The following LINGO2 variants were observed in gnomAD, a reference collection of about 807,000 sequenced individuals.
LINGO2 encodes the protein leucine-rich repeat and immunoglobulin-like domain-containing nogo receptor-interacting protein 2.
LINGO2 carries 14 observed loss-of-function variants against 30.6 expected under a neutral mutation model. That is an observed-to-expected ratio of 0.46 (90% CI 0.30 to 0.72). LINGO2 has a LOEUF of 0.72. LINGO2 is among the 30% of genes least tolerant of loss of function. The pLI is 0.07. For missense variants in LINGO2, 729 were observed against 751.7 expected (o/e 0.97, Z 0.35); for synonymous variants, 317 against 288.5 (o/e 1.10, Z -1.00).
chr9:28,101,658 C>A (rs1826419265), intron 4 of LINGO2, among the ~76,000 whole-genome samples: 1 of 152,100 alleles, frequency 6.6e-6, no homozygotes, highest in Admixed American at 6.6e-5. Flanking sequence ...TGCCCACGGA[C>A]AAGGGAATAT....
At chr9:28,396,000 G>A (rs1015727866) in intron 2 of LINGO2, among the ~76,000 whole-genome samples, 8 of 152,132 alleles carry the variant, frequency 5.3e-5, no homozygotes, top group Admixed American at 2.0e-4. Context: ...AAAAATAGGA[G>A]TATCCATTGG....
At chr9:28,303,613 G>A (rs978461867) in intron 3 of LINGO2, among the ~76,000 whole-genome samples, 1 of 152,030 alleles carries the variant, frequency 6.6e-6, no homozygotes, top group African/African-American at 2.4e-5. Flanking sequence ...CACGTGTTTT[G>A]TGTGCTCTAT....
At chr9:28,083,650 G>A (rs539276329) in intron 4 of LINGO2, among the ~76,000 whole-genome samples, 1 of 152,102 alleles carries the variant, frequency 6.6e-6, no homozygotes, top group Non-Finnish European at 1.5e-5. Context: ...ATAATGCCTG[G>A]TACAGAGTAA....
chr9:28,556,377 T>C lies in LINGO2; in HGVS notation c.-364-80352A>G, dbSNP rs12000686. On this transcript the variant is annotated intron_variant, in intron 1 of 5. Transcript: ENST00000379992. ...ACAGACAAACAGAGAGCCAAATCAT[T>C]AGTGAACTCCCACTCACAATTGCTT... 2.4e-3 allele frequency among the ~76,000 whole-genome samples: 371 copies of C among 152,060 alleles called. 1 individual carries two copies. The highest frequency in any genetic ancestry group is 7.9e-3 in the African/African-American group (330 of 41,532).
chr9:28,604,838 A>G (rs1563858191), intron 1 of LINGO2, among the ~76,000 whole-genome samples: 1 of 152,068 alleles, frequency 6.6e-6, no homozygotes, highest in African/African-American at 2.4e-5. Context: ...GAATGAGGAA[A>G]GGTATTAACT....
At chr9:28,997,416 T>G in the LINGO2 span, among the ~76,000 whole-genome samples, 1 of 152,272 alleles carries the variant, frequency 6.6e-6, no homozygotes, top group Non-Finnish European at 1.5e-5. Context: ...TGTACTTTGA[T>G]GAATATTCTA....
At chr9:28,452,349 C>T (rs571226362) in intron 2 of LINGO2, among the ~76,000 whole-genome samples, 172 of 151,804 alleles carry the variant, frequency 1.1e-3, no homozygotes, top group South Asian at 2.9e-3. Flanking sequence ...AGGCTTGTGT[C>T]CCATGGGATG....
the LINGO2 span, among the ~76,000 whole-genome samples, chr9:28,936,714 A>G: frequency 6.6e-6 from 1 of 152,316 alleles, no homozygotes; most frequent in Non-Finnish European, 1.5e-5. Context: ...GGCTTAAAAT[A>G]TTATCTGATA....
the LINGO2 span, among the ~76,000 whole-genome samples, chr9:28,914,950 G>A: frequency 6.6e-6 from 1 of 152,044 alleles, no homozygotes; most frequent in East Asian, 1.9e-4. Flanking sequence ...TGGCCAACAT[G>A]GTGAAACCTC....
intron 1 of LINGO2, among the ~76,000 whole-genome samples, chr9:28,518,194 A>G (rs1387725658): frequency 6.6e-6 from 1 of 152,188 alleles, no homozygotes; most frequent in Non-Finnish European, 1.5e-5. Context: ...GAGAAAATGA[A>G]CCTAAGAGAT....
chr9:28,341,102 G>T (rs183870664), intron 3 of LINGO2, among the ~76,000 whole-genome samples: 2 of 152,160 alleles, frequency 1.3e-5, no homozygotes, highest in Non-Finnish European at 2.9e-5. Context: ...AACAAAGAAA[G>T]TTGACTAAGT....
the LINGO2 span, among the ~76,000 whole-genome samples, chr9:29,111,187 C>G: frequency 6.6e-6 from 1 of 152,088 alleles, no homozygotes; most frequent in Non-Finnish European, 1.5e-5. Context: ...AAATAGAATG[C>G]ATTTAAGCTA....
the LINGO2 span, among the ~76,000 whole-genome samples, chr9:29,211,004 C>G: frequency 2.6e-5 from 4 of 152,136 alleles, no homozygotes; most frequent in Non-Finnish European, 5.9e-5. Context: ...TTTGCCCTTT[C>G]AGTATGTGGC....
At chr9:28,910,918 T>C in the LINGO2 span, among the ~76,000 whole-genome samples, 1 of 152,086 alleles carries the variant, frequency 6.6e-6, no homozygotes, top group East Asian at 1.9e-4. Flanking sequence ...GAAAAATGGA[T>C]ATTAATAGGA....
At chr9:28,019,584 A>C (rs377591910) in intron 4 of LINGO2, among the ~76,000 whole-genome samples, 1 of 152,136 alleles carries the variant, frequency 6.6e-6, no homozygotes. Flanking sequence ...ATAGCAAATA[A>C]AGTGGTCAGA....
At chr9:29,119,361 G>GCA in the LINGO2 span, among the ~76,000 whole-genome samples, 67 of 124,362 alleles carry the variant, frequency 5.4e-4, no homozygotes, top group East Asian at 2.2e-3. Context: ...ATGCACGTGT[G>GCA]CGCGCACACA....
At chr9:29,205,901 G>C in the LINGO2 span, among the ~76,000 whole-genome samples, 1 of 152,134 alleles carries the variant, frequency 6.6e-6, no homozygotes, top group South Asian at 2.1e-4. Flanking sequence ...CAACCCCACT[G>C]CCAGTGCCAG....
chr9:28,633,458 A>G (rs567412251), intron 1 of LINGO2, among the ~76,000 whole-genome samples: 1 of 152,342 alleles, frequency 6.6e-6, no homozygotes, highest in Non-Finnish European at 1.5e-5. Context: ...AAATTCACAC[A>G]TTATAAGAAG....
intron 4 of LINGO2, among the ~76,000 whole-genome samples, chr9:28,178,225 CCA>C (rs1357150558): frequency 6.6e-6 from 1 of 152,020 alleles, no homozygotes; most frequent in African/African-American, 2.4e-5. Flanking sequence ...CCCGCAGCTC[CCA>C]CAGTGTTGTG....
Sources: gnomAD v4.1 joint callset for allele counts (sites outside exome capture counted in the v4.1 genomes callset) on GRCh38, gnomAD v4.1.1 for gene constraint, MANE v1.5 for transcripts, NCBI Gene and HGNC (gene_info 2026-07-23, HGNC 2026-07-21) for gene names.